Variants in TRUB1 observed in about 807,000 individuals in gnomAD.
TRUB1 encodes TruB pseudouridine synthase family member 1.
A neutral mutation model predicts 33.9 loss-of-function variants in TRUB1; 23 were observed. The observed-to-expected ratio is 0.68, with a 90% confidence interval of 0.49 to 0.96. The LOEUF is 0.96. Among genes scored for constraint, TRUB1 ranks in the 40% least tolerant of loss-of-function variants. TRUB1 has a pLI of 0.00. For missense variants in TRUB1, 378 were observed against 422.2 expected (o/e 0.90, Z 0.92); for synonymous variants, 163 against 165.4 (o/e 0.99, Z 0.11).
chr10:114,963,643 T>C (rs2084293788), intron 4 of TRUB1, among the ~76,000 whole-genome samples: 1 of 152,222 alleles, frequency 6.6e-6, no homozygotes, highest in Non-Finnish European at 1.5e-5. Context: ...TGTTCTAACA[T>C]CCAATGCTAT....
chr10:114,958,452 G>A (rs2084270705), intron 3 of TRUB1, among the ~76,000 whole-genome samples: 1 of 152,108 alleles, frequency 6.6e-6, no homozygotes, highest in Admixed American at 6.5e-5. Flanking sequence ...TAAAATGTCT[G>A]CATACTTACA....
In TRUB1 at chr10:114,975,448, G is replaced by T; in HGVS notation, c.*69G>T. ...CCTGTGTGCAGATGCAGAATGACAA[G>T]CTGCATTCAAAAGACAAACAATATG... On this transcript the variant is annotated 3_prime_UTR_variant, in exon 8 of 8. Coordinates refer to ENST00000298746, the MANE Select transcript of TRUB1 (RefSeq NM_139169.5). The T allele has an allele frequency of 1.5e-6, 2 of 1,378,664 alleles. No homozygotes were observed. The highest frequency in any genetic ancestry group is 9.6e-7 in the Non-Finnish European group (1 of 1,040,028). 85.4% of individuals were successfully genotyped at this position (1,378,664 alleles called of 1,614,324 possible). A position where few individuals can be genotyped will look rare whatever the true frequency, so the allele number is the denominator to read the frequency against.
In TRUB1 at chr10:114,976,286, T is replaced by C. The variant is rs1488694239; in HGVS notation, c.*907T>C. The C allele has an allele frequency of 6.6e-6, 1 of 152,190 alleles. No homozygotes were observed. Among genetic ancestry groups the C allele is most frequent in the Admixed American group, 6.6e-5 (1 of 15,262 alleles). 9.4% of individuals were successfully genotyped at this position (152,190 alleles called of 1,614,324 possible). On this transcript the variant is annotated 3_prime_UTR_variant, in exon 8 of 8. Transcript: ENST00000298746. ...TGCTCTTTCAAGAGATACTTACAGATGTTGAGATGGCTGCCCTGCATTTCC... is the reference window on the plus strand; with the variant it reads ...TGCTCTTTCAAGAGATACTTACAGACGTTGAGATGGCTGCCCTGCATTTCC...
chr10:114,969,117 T>C (rs1184440423), intron 4 of TRUB1, among the ~76,000 whole-genome samples: 1 of 151,592 alleles, frequency 6.6e-6, no homozygotes, highest in African/African-American at 2.4e-5. Context: ...ACTGTATTTT[T>C]TGTCTTTTTT....
intron 2 of TRUB1, among the ~76,000 whole-genome samples, chr10:114,947,585 G>C (rs1483145709): frequency 6.6e-6 from 1 of 152,046 alleles, no homozygotes; most frequent in South Asian, 2.1e-4. Context: ...GTAGCTTTTT[G>C]TCTATGCAGA....
intron 5 of TRUB1, among the ~76,000 whole-genome samples, 183 bp downstream of exon 5, chr10:114,970,623 G>A (rs924091546): frequency 3.9e-5 from 6 of 152,194 alleles, no homozygotes; most frequent in Non-Finnish European, 8.8e-5. Context: ...AAGAGGCAGT[G>A]GAATGTGGTC....
intron 4 of TRUB1, among the ~76,000 whole-genome samples, chr10:114,963,254 C>T (rs1437655794): frequency 6.6e-6 from 1 of 152,146 alleles, no homozygotes; most frequent in East Asian, 1.9e-4. Context: ...CTCAAATGGA[C>T]GTAGCTGATG....
At chr10:114,952,517 A>G (rs1400439921) in intron 3 of TRUB1, among the ~76,000 whole-genome samples, 1 of 152,202 alleles carries the variant, frequency 6.6e-6, no homozygotes, top group Admixed American at 6.5e-5. Flanking sequence ...AGGTAGATAG[A>G]TACATAGATA....
At chr10:114,964,973 A>G (rs1018569339) in intron 4 of TRUB1, among the ~76,000 whole-genome samples, 1 of 134,504 alleles carries the variant, frequency 7.4e-6, no homozygotes. Context: ...CTCTGTCGCC[A>G]GGCTGGAGTG....
chr10:114,964,273 A>C (rs1188408579), intron 4 of TRUB1, among the ~76,000 whole-genome samples: 1 of 151,960 alleles, frequency 6.6e-6, no homozygotes, highest in African/African-American at 2.4e-5. Context: ...CTTATTAGCC[A>C]TCTTCTTTTT....
rs1169010927 is a variant in TRUB1 at position 114,977,130 on chromosome 10, A to G, written c.*1751A>G. On this transcript the variant is annotated 3_prime_UTR_variant, in exon 8 of 8. Transcript: ENST00000298746. ...AGAGATTGTTGACCATTTTTAAAAA[A>G]CGATAGCCACTCTTTTTCTTTTATG... 1 of 152,166 alleles carries G rather than the reference A, an allele frequency of 6.6e-6. No homozygotes were observed. Among genetic ancestry groups the G allele is most frequent in the Non-Finnish European group, 1.5e-5 (1 of 68,016 alleles). The allele number at this position is 152,166 out of a possible 1,614,324, so 9.4% of individuals were successfully genotyped here.
intron 4 of TRUB1, among the ~76,000 whole-genome samples, chr10:114,965,011 G>T (rs538553583): frequency 6.7e-6 from 1 of 148,402 alleles, no homozygotes; most frequent in African/African-American, 2.5e-5. Flanking sequence ...CTTACTGCAA[G>T]CTCCGCCTCC....
In TRUB1 at chr10:114,975,200, C is replaced by A; in HGVS notation, c.871C>A (p.Pro291Thr). The A allele has an allele frequency of 6.2e-7, 1 of 1,613,640 alleles. No homozygotes were observed. The change falls in exon 8 of 8, where the codon CCT (proline) becomes ACT (threonine). Residue 291 changes from proline to threonine, a missense_variant. Physicochemically the swap from Pro to Thr is conservative, Grantham distance 38 (BLOSUM62 -1). Transcript: ENST00000298746. ...ATTTACGCTAGAAGAACATGCCCTT[C>A]CTGAAGACAAATGGACAATTGATGA... ...GPFTLEEHAL[P>T]EDKWTIDDIA...
Position 114,975,347 on chromosome 10 carries a change from A to T in TRUB1, c.1018A>T (p.Lys340Ter). The T allele has an allele frequency of 1.3e-6, 2 of 1,596,130 alleles. No individual in the cohort carries two copies. The highest frequency in any genetic ancestry group is 1.7e-6 in the Non-Finnish European group (2 of 1,170,132). ...TGAATATATAACTCTAAATGAGCCA[A>T]AGAGAGAAGATGATGTAATTAAGAC... Reference protein sequence around the residue: ...SCEYITLNEPKREDDVIKTC With the variant: ...SCEYITLNEP The change falls in exon 8 of 8, where the codon AAG becomes TAG. Residue 340 changes from lysine (K) to a stop codon, truncating the protein, a stop_gained. Transcript: ENST00000298746. LOFTEE classifies it high-confidence loss of function.
At chr10:114,943,592 A>G (rs1305095467) in intron 2 of TRUB1, among the ~76,000 whole-genome samples, 2 of 152,228 alleles carry the variant, frequency 1.3e-5, no homozygotes, top group Non-Finnish European at 2.9e-5. Flanking sequence ...CTTCCCTGAG[A>G]GAAACATTGC....
intron 4 of TRUB1, among the ~76,000 whole-genome samples, chr10:114,968,514 C>T (rs34461950): frequency 0.23 from 34,664 of 152,014 alleles, 4,865 homozygotes; most frequent in Non-Finnish European, 0.33. Context: ...ACTAAGGTGC[C>T]GCTAGTAATA....
rs376776111 is a variant in TRUB1 at position 114,959,674 on chromosome 10, C to T, written c.442-52C>T. ...TGTGTAAACTTCAAGACATGCATAACAGTTTTTGTTTGCCTCACGGCCCAT... is the reference window on the plus strand; with the variant it reads ...TGTGTAAACTTCAAGACATGCATAATAGTTTTTGTTTGCCTCACGGCCCAT... On this transcript the variant is annotated intron_variant, in intron 3 of 7. Transcript: ENST00000298746. The T allele has an allele frequency of 7.8e-6, 9 of 1,147,438 alleles. No individual in the cohort carries two copies. The African/African-American group carries it at 1.4e-4, about 18-fold the overall frequency. 71.1% of individuals were successfully genotyped at this position (1,147,438 alleles called of 1,614,324 possible).
rs562857532 is a variant in TRUB1 at position 114,972,229 on chromosome 10, T to C, written c.691T>C (p.Tyr231His). 4.3e-6 allele frequency: 7 copies of C among 1,612,944 alleles called. No homozygotes were observed. The East Asian group carries it at 1.3e-4, about 31-fold the overall frequency. The change falls in exon 6 of 8, where the codon TAC (tyrosine) becomes CAC (histidine). Residue 231 changes from tyrosine to histidine, a missense_variant. Physicochemically the swap from Tyr to His is moderately conservative, Grantham distance 83. Coordinates refer to ENST00000298746, the MANE Select transcript of TRUB1 (RefSeq NM_139169.5). The stretch of plus-strand genomic sequence containing the variant: ...AAAACCTGCCAGGCCAGTGACTGTA[T>C]ACAGTATCTCCCTTCAAAAATTCCA... ...EAKPARPVTV[Y>H]SISLQKFQPP...
chr10:114,956,256 A>G (rs2084261355), intron 3 of TRUB1, among the ~76,000 whole-genome samples: 1 of 152,190 alleles, frequency 6.6e-6, no homozygotes, highest in Admixed American at 6.5e-5. Flanking sequence ...GTTGCAGTAG[A>G]ATTACATTGT....
Sources: gnomAD v4.1 joint callset for allele counts (sites outside exome capture counted in the v4.1 genomes callset) on GRCh38, gnomAD v4.1.1 for gene constraint, MANE v1.5 for transcripts, NCBI Gene and HGNC (gene_info 2026-07-23, HGNC 2026-07-21) for gene names.